Variants in KLHL1 observed in about 807,000 individuals in gnomAD.
KLHL1 encodes the protein kelch like family member 1.
In KLHL1, 47 loss-of-function variants were observed where a neutral mutation model predicts 77.7. The observed-to-expected ratio is 0.60, with a 90% confidence interval of 0.48 to 0.77. The LOEUF is 0.77. Ranked by LOEUF, KLHL1 falls within the 30% of genes least tolerant of loss-of-function variation. KLHL1 has a pLI of 0.00. For synonymous variants in KLHL1, 360 were observed against 325.2 expected, an observed-to-expected ratio of 1.11 and a Z score of -1.15; for missense variants, 925 against 910.8, an observed-to-expected ratio of 1.02 and a Z score of -0.20.
At chr13:69,777,243 C>A (rs1458876581) in intron 7 of KLHL1, among the ~76,000 whole-genome samples, 2 of 152,094 alleles carry the variant, frequency 1.3e-5, no homozygotes, top group African/African-American at 2.4e-5. Context: ...GTCTATTAAA[C>A]CTCTTTTTCT....
Position 69,952,401 on chromosome 13 carries a change from T to C in KLHL1, c.817+8907A>G, listed in dbSNP as rs117222953. On this transcript the variant is annotated intron_variant, in intron 3 of 10. Transcript: ENST00000377844. ...TGAATCCCATTACCAGTCTTTAGAA[T>C]TTCTTTATTAACTTTTATTCTGCAT... Among the ~76,000 whole-genome samples, 1,061 of 151,526 alleles carry C rather than the reference T, an allele frequency of 7.0e-3. 11 individuals carry two copies. Among genetic ancestry groups the C allele is most frequent in the Admixed American group, 0.014 (216 of 15,150 alleles).
At chr13:69,940,011 T>A in intron 4 of KLHL1, 29 bp downstream of exon 4, 2 of 1,517,316 alleles carry the variant, frequency 1.3e-6, no homozygotes. Context: ...AGAGTGTGTC[T>A]CCATTATTAA....
At chr13:69,740,057 C>G (rs1260205122) in intron 8 of KLHL1, among the ~76,000 whole-genome samples, 3 of 152,050 alleles carry the variant, frequency 2.0e-5, no homozygotes, top group African/African-American at 4.8e-5. Flanking sequence ...AATGAAGATG[C>G]TTGGAAAGTA....
intron 10 of KLHL1, among the ~76,000 whole-genome samples, chr13:69,706,461 C>A (rs903721669): frequency 1.3e-5 from 2 of 151,862 alleles, no homozygotes; most frequent in African/African-American, 4.8e-5. Flanking sequence ...TCAAGGAAAT[C>A]ATGTTTCATT....
At chr13:70,057,701 G>A (rs1045121054) in intron 1 of KLHL1, among the ~76,000 whole-genome samples, 6 of 147,362 alleles carry the variant, frequency 4.1e-5, no homozygotes, top group Admixed American at 2.0e-4. Flanking sequence ...GCGTGAACCC[G>A]GGAAGCGGAG....
intron 6 of KLHL1, among the ~76,000 whole-genome samples, chr13:69,833,747 G>GTATATATATA (rs71196266): frequency 4.2e-5 from 6 of 142,348 alleles, no homozygotes; most frequent in African/African-American, 1.4e-4. Context: ...AGAAATAATG[G>GTATATATATA]TATATATATA....
At chr13:70,065,303 A>G (rs1424715919) in intron 1 of KLHL1, among the ~76,000 whole-genome samples, 1 of 152,178 alleles carries the variant, frequency 6.6e-6, no homozygotes, top group Non-Finnish European at 1.5e-5. Flanking sequence ...TGGGTGACTG[A>G]GGGTCAAGAA....
At chr13:69,839,281 G>A (rs1879149929) in intron 5 of KLHL1, 119 bp from the exon 6 acceptor site, 2 of 592,580 alleles carry the variant, frequency 3.4e-6, no homozygotes, top group Admixed American at 3.2e-5. Context: ...AGGATGCAGG[G>A]TGTAGTAAGA....
At chr13:69,903,637 T>C (rs1019989022) in intron 4 of KLHL1, among the ~76,000 whole-genome samples, 1 of 104,062 alleles carries the variant, frequency 9.6e-6, no homozygotes, top group African/African-American at 3.8e-5. Context: ...ATTCTTTTTT[T>C]TTTTTTTTTT....
chr13:69,823,958 TG>T (rs1878444269), intron 6 of KLHL1, among the ~76,000 whole-genome samples: 1 of 152,010 alleles, frequency 6.6e-6, no homozygotes, highest in Admixed American at 6.6e-5. Flanking sequence ...AGTCACCTTT[TG>T]GTGTGTATAT....
intron 6 of KLHL1, among the ~76,000 whole-genome samples, chr13:69,820,546 G>A (rs74090469): frequency 0.019 from 2,954 of 152,194 alleles, 85 homozygotes; most frequent in African/African-American, 0.067. Flanking sequence ...GGCCAACAGA[G>A]GCATAAGCGT....
intron 1 of KLHL1, among the ~76,000 whole-genome samples, chr13:70,099,192 A>T (rs1887865341): frequency 6.6e-6 from 1 of 151,874 alleles, no homozygotes; most frequent in Non-Finnish European, 1.5e-5. Context: ...TGTAAATTGC[A>T]CTATACAGTG....
chr13:69,728,493 C>T (rs567715893), intron 8 of KLHL1, among the ~76,000 whole-genome samples: 19 of 151,980 alleles, frequency 1.3e-4, no homozygotes, highest in Admixed American at 1.1e-3. Context: ...CAGCTCACTG[C>T]AGCCTCCGCT....
intron 1 of KLHL1, among the ~76,000 whole-genome samples, chr13:70,052,447 A>G (rs1035353819): frequency 2.0e-5 from 3 of 151,940 alleles, no homozygotes; most frequent in Non-Finnish European, 4.4e-5. Flanking sequence ...CTGAACTACA[A>G]GAAAATTAAA....
intron 6 of KLHL1, among the ~76,000 whole-genome samples, chr13:69,806,887 C>T (rs765156688): frequency 1.7e-4 from 26 of 152,168 alleles, no homozygotes; most frequent in Non-Finnish European, 2.2e-4. Flanking sequence ...AGCACACCCA[C>T]GCAACCTCTG....
At chr13:69,964,053 G>GT (rs2137274564) in intron 2 of KLHL1, among the ~76,000 whole-genome samples, 1 of 128,202 alleles carries the variant, frequency 7.8e-6, no homozygotes, top group South Asian at 2.4e-4. Flanking sequence ...CAGTTTGTTT[G>GT]TTTTTTTAAA....
At chr13:69,862,972 A>G (rs887151812) in intron 5 of KLHL1, among the ~76,000 whole-genome samples, 7 of 152,126 alleles carry the variant, frequency 4.6e-5, no homozygotes, top group Non-Finnish European at 4.4e-5. Context: ...ATTTACAACA[A>G]TCTAAGCAAA....
intron 6 of KLHL1, among the ~76,000 whole-genome samples, chr13:69,837,113 G>A (rs915854930): frequency 1.8e-4 from 27 of 151,690 alleles, no homozygotes; most frequent in African/African-American, 5.8e-4. Flanking sequence ...TGTATAACTT[G>A]GTAATATTAT....
At chr13:69,829,188 C>T (rs1878664154) in intron 6 of KLHL1, among the ~76,000 whole-genome samples, 1 of 150,198 alleles carries the variant, frequency 6.7e-6, no homozygotes, top group Admixed American at 6.6e-5. Context: ...ACCAAGGACC[C>T]TCACACAATT....
Sources: allele counts gnomAD v4.1 joint callset (sites outside exome capture counted in the v4.1 genomes callset), GRCh38; gene constraint gnomAD v4.1.1; transcripts MANE v1.5; gene names NCBI Gene and HGNC (gene_info 2026-07-23, HGNC 2026-07-21).